RELN: variants seen among roughly 807,000 people sequenced by gnomAD.
The protein encoded by RELN is reelin.
In RELN, 108 loss-of-function variants were observed where a neutral mutation model predicts 427.6. That is an observed-to-expected ratio of 0.25 (90% CI 0.22 to 0.30). The LOEUF (loss-of-function observed/expected upper bound fraction) is 0.30. Among genes scored for constraint, RELN ranks in the 10% least tolerant of loss-of-function variants. The probability of loss-of-function intolerance (pLI) is 1.00; values close to 1 mark genes in which losing one functional copy is unlikely to be tolerated. For synonymous variants in RELN, 1,524 were observed against 1,513.4 expected (o/e 1.01, Z -0.16); for missense variants, 3,715 against 4,302.8 (o/e 0.86, Z 3.82).
intron 3 of RELN, among the ~76,000 whole-genome samples, chr7:103,778,587 A>G (rs1242979648): frequency 6.6e-6 from 1 of 152,204 alleles, no homozygotes; most frequent in Non-Finnish European, 1.5e-5. Context: ...CCTTTTCTCT[A>G]AATATCAGAT....
chr7:103,740,423 G>A (rs1790612357), intron 6 of RELN, among the ~76,000 whole-genome samples: 1 of 152,080 alleles, frequency 6.6e-6, no homozygotes, highest in African/African-American at 2.4e-5. Context: ...TATATTTTTG[G>A]ATTATTTGAA....
intron 8 of RELN, among the ~76,000 whole-genome samples, chr7:103,719,577 C>T (rs112088122): frequency 0.012 from 1,757 of 144,192 alleles, 34 homozygotes; most frequent in African/African-American, 0.045. Context: ...GAGCACACAA[C>T]AAATATTCAG....
At chr7:103,581,731 A>AAAG (rs199708863) in intron 28 of RELN, among the ~76,000 whole-genome samples, 1,634 of 152,208 alleles carry the variant, frequency 0.011, 12 homozygotes, top group Non-Finnish European at 0.015. Context: ...GCTTTGACCA[A>AAAG]AAGGATGTGG....
intron 2 of RELN, among the ~76,000 whole-genome samples, chr7:103,916,855 T>C (rs1218781429): frequency 2.0e-5 from 3 of 152,064 alleles, no homozygotes; most frequent in Non-Finnish European, 4.4e-5. Flanking sequence ...AGGGAGAGAA[T>C]GAAAGAAAGT....
intron 64 of RELN, among the ~76,000 whole-genome samples, chr7:103,474,436 A>C (rs528198148): frequency 8.5e-5 from 13 of 152,260 alleles, no homozygotes; most frequent in African/African-American, 3.1e-4. Flanking sequence ...TTTCAAAAAA[A>C]TCAGGTTTTG....
intron 40 of RELN, among the ~76,000 whole-genome samples, chr7:103,552,304 C>A (rs1051410413): frequency 6.6e-6 from 1 of 152,020 alleles, no homozygotes; most frequent in African/African-American, 2.4e-5. Context: ...ACTATCATGC[C>A]ATCAAAGCAT....
chr7:103,520,967 T>A lies in RELN; in HGVS notation c.7668+1055A>T, dbSNP rs112374007. On this transcript the variant is annotated intron_variant, in intron 48 of 64. Transcript: ENST00000428762. ...GGCAGTAAATTTGTTATTTTTTTTT[T>A]TTTTTTTTTTTTTTTTTTTTGAGAC... 2.7e-4 allele frequency among the ~76,000 whole-genome samples: 27 copies of A among 98,232 alleles called. 1 individual carries two copies. The highest frequency in any genetic ancestry group is 8.0e-4 in the African/African-American group (19 of 23,824). The allele number at this position is 98,232 out of a possible 152,430, so 64.4% of individuals were successfully genotyped here.
chr7:103,912,262 C>G (rs1217451558), intron 2 of RELN, among the ~76,000 whole-genome samples: 1 of 148,432 alleles, frequency 6.7e-6, no homozygotes, highest in Non-Finnish European at 1.5e-5. Context: ...ATGGTGTGAT[C>G]TCGGCTCACT....
At chr7:103,958,965 C>G (rs892695133) in intron 1 of RELN, among the ~76,000 whole-genome samples, 4 of 152,066 alleles carry the variant, frequency 2.6e-5, no homozygotes, top group Non-Finnish European at 4.4e-5. Context: ...TAATTTTTTC[C>G]TTTGTTTTTT....
intron 49 of RELN, among the ~76,000 whole-genome samples, chr7:103,518,573 T>C (rs1456603693): frequency 2.0e-5 from 3 of 150,482 alleles, no homozygotes; most frequent in African/African-American, 7.5e-5. Context: ...TGGCTTCAAG[T>C]GATCCTCCTG....
rs114647348 is a variant in RELN at position 103,522,152 on chromosome 7, G to C, written c.7538C>G (p.Ser2513Cys). 1,004 of 1,614,140 alleles carry C rather than the reference G, an allele frequency of 6.2e-4. 11 individuals are homozygous for C. The African/African-American group carries it at 0.012, about 19-fold the overall frequency. The change falls in exon 48 of 65, where the codon TCT (serine) becomes TGT (cysteine). Residue 2513 changes from serine to cysteine, a missense_variant. Physicochemically the swap from Ser to Cys is moderately radical, Grantham distance 112. This residue lies in a region of RELN where 1,310 missense variants were observed against 1,643.0 expected (regional missense o/e 0.80). Coordinates refer to ENST00000428762, the MANE Select transcript of RELN (RefSeq NM_005045.4). The stretch of plus-strand genomic sequence containing the variant: ...GTTGTCTTTGAGTTGGGTTGGAAGA[G>C]AGGTCTCGGGGTCATCACAGTACAG... Reference protein sequence around the residue: ...GGLYCDDPETSLPTQLKDNFN... With the variant: ...GGLYCDDPETCLPTQLKDNFN...
Position 103,833,651 on chromosome 7 carries a change from A to C in RELN, c.359T>G (p.Phe120Cys). Residue 120 changes from phenylalanine (F) to cysteine (C), a missense_variant, in exon 3 of 65, where the codon TTT becomes TGT. By Grantham distance (205) the Phe-to-Cys change is radical. This residue lies in a region of RELN where 2,208 missense variants were observed against 2,361.7 expected (regional missense o/e 0.93). Coordinates refer to ENST00000428762, the MANE Select transcript of RELN (RefSeq NM_005045.4). Reference sequence around the variant, plus strand: ...CACACTGCACATAAACTGGTTACCAAACTGGTGGTCAGACATGATCCCTAA... The same window carrying C: ...CACACTGCACATAAACTGGTTACCACACTGGTGGTCAGACATGATCCCTAA... Reference protein sequence around the residue: ...FGFGIMSDHQFGNQFMCSVVA... With the variant: ...FGFGIMSDHQCGNQFMCSVVA... 1 of 1,613,922 alleles carries C rather than the reference A, an allele frequency of 6.2e-7. No individual in the cohort carries two copies. Among genetic ancestry groups the C allele is most frequent in the Non-Finnish European group, 8.5e-7 (1 of 1,179,852 alleles).
intron 63 of RELN, among the ~76,000 whole-genome samples, chr7:103,481,585 T>TG (rs1378288022): frequency 4.6e-5 from 7 of 152,194 alleles, no homozygotes; most frequent in Non-Finnish European, 1.0e-4. Context: ...GCCTGGGCAT[T>TG]GGGACATTTT....
At chr7:103,507,928 A>C (rs947256360) in intron 51 of RELN, among the ~76,000 whole-genome samples, 1 of 152,218 alleles carries the variant, frequency 6.6e-6, no homozygotes, top group Non-Finnish European at 1.5e-5. Context: ...AAACTAGAAA[A>C]TCTAGAAGAA....
intron 2 of RELN, among the ~76,000 whole-genome samples, chr7:103,834,091 G>A (rs1452069790): frequency 6.6e-6 from 1 of 152,114 alleles, no homozygotes; most frequent in Non-Finnish European, 1.5e-5. Context: ...CTTGTGTTAG[G>A]TTATTTCAGA....
chr7:103,947,929 G>A (rs1265108727), intron 1 of RELN, among the ~76,000 whole-genome samples: 3 of 152,086 alleles, frequency 2.0e-5, no homozygotes, highest in Non-Finnish European at 2.9e-5. Context: ...AGCATGAAAT[G>A]ATCTTTTTCC....
chr7:103,965,257 T>C (rs1796638777), intron 1 of RELN, among the ~76,000 whole-genome samples: 2 of 152,212 alleles, frequency 1.3e-5, no homozygotes, highest in South Asian at 4.1e-4. Context: ...AATATATTCA[T>C]AGGCTGCCTA....
At chr7:103,765,321 CT>C (rs1298345923) in intron 4 of RELN, among the ~76,000 whole-genome samples, 1 of 152,102 alleles carries the variant, frequency 6.6e-6, no homozygotes, top group Non-Finnish European at 1.5e-5. Flanking sequence ...TGTCTTGGTC[CT>C]TCTCTTCTGG....
chr7:103,927,724 T>C (rs561411061), intron 1 of RELN, among the ~76,000 whole-genome samples: 27 of 152,240 alleles, frequency 1.8e-4, no homozygotes, highest in African/African-American at 6.5e-4. Context: ...TAACAGAATA[T>C]CTTTGTGGTT....
Sources: allele counts gnomAD v4.1 joint callset (sites outside exome capture counted in the v4.1 genomes callset), GRCh38; gene constraint gnomAD v4.1.1; regional missense constraint gnomAD v4.1.1; transcripts MANE v1.5; gene names NCBI Gene and HGNC (gene_info 2026-07-23, HGNC 2026-07-21).